Variants in NTM observed in about 807,000 individuals in gnomAD.
The protein encoded by NTM is neurotrimin.
A neutral mutation model predicts 42.1 loss-of-function variants in NTM; 13 were observed. The ratio of observed to expected loss-of-function variants is 0.31; its 90% CI spans 0.20 to 0.49. The LOEUF is 0.49. Ranked by LOEUF, NTM falls within the 20% of genes least tolerant of loss-of-function variation. NTM has a pLI of 0.99. For missense variants in NTM, 373 were observed against 452.8 expected (o/e 0.82, Z 1.60); for synonymous variants, 187 against 179.2 (o/e 1.04, Z -0.35).
intron 2 of NTM, among the ~76,000 whole-genome samples, chr11:131,988,133 C>T (rs897887012): frequency 6.6e-6 from 1 of 152,194 alleles, no homozygotes; most frequent in Admixed American, 6.5e-5. Flanking sequence ...GTGGAAGGGG[C>T]AAGCAAGCTT....
At chr11:132,043,013 G>A (rs1404898944) in intron 2 of NTM, among the ~76,000 whole-genome samples, 1 of 152,184 alleles carries the variant, frequency 6.6e-6, no homozygotes, top group African/African-American at 2.4e-5. Context: ...ATAAGTGGAA[G>A]TATGAAGAGG....
intron 1 of NTM, chr11:131,795,683 C>T: frequency 6.1e-6 from 6 of 985,390 alleles, no homozygotes; most frequent in Non-Finnish European, 7.2e-6. Context: ...GGGCGAACAG[C>T]AGATATTTAC....
intron 1 of NTM, among the ~76,000 whole-genome samples, chr11:131,785,114 A>G (rs544898094): frequency 6.6e-6 from 1 of 152,310 alleles, no homozygotes; most frequent in Non-Finnish European, 1.5e-5. Context: ...TTAAAAAGAA[A>G]AGAAAACCTG....
intron 4 of NTM, among the ~76,000 whole-genome samples, chr11:132,264,047 G>C (rs967025737): frequency 1.3e-5 from 2 of 152,172 alleles, no homozygotes; most frequent in Non-Finnish European, 2.9e-5. Context: ...CATAGGGCAT[G>C]TTTATTTTAA....
intron 4 of NTM, among the ~76,000 whole-genome samples, chr11:132,245,040 G>A (rs538116565): frequency 2.6e-5 from 4 of 152,304 alleles, no homozygotes; most frequent in East Asian, 1.9e-4. Flanking sequence ...TTGAATGTGC[G>A]TCCAATTCGC....
intron 2 of NTM, among the ~76,000 whole-genome samples, chr11:132,114,999 G>A (rs769446454): frequency 3.3e-5 from 5 of 152,120 alleles, no homozygotes; most frequent in African/African-American, 9.7e-5. Context: ...TAACATTTTC[G>A]GCAACATGGA....
intron 1 of NTM, among the ~76,000 whole-genome samples, chr11:131,577,993 C>A (rs2058078182): frequency 6.6e-6 from 1 of 152,190 alleles, no homozygotes; most frequent in South Asian, 2.1e-4. Flanking sequence ...AGATGAACAA[C>A]TATAGCTAAC....
chr11:132,267,244 TA>T (rs1237984957), intron 4 of NTM, among the ~76,000 whole-genome samples: 4 of 152,286 alleles, frequency 2.6e-5, no homozygotes, highest in African/African-American at 9.6e-5. Context: ...TCAATTAACT[TA>T]AAAAATACAG....
intron 2 of NTM, among the ~76,000 whole-genome samples, chr11:131,935,620 G>A (rs992453356): frequency 1.3e-5 from 2 of 152,058 alleles, no homozygotes; most frequent in African/African-American, 4.8e-5. Context: ...GAAGGGGAGG[G>A]TTCCCTGGCC....
At chr11:131,547,024 G>A (rs1264349897) in intron 1 of NTM, among the ~76,000 whole-genome samples, 1 of 152,166 alleles carries the variant, frequency 6.6e-6, no homozygotes, top group East Asian at 1.9e-4. Context: ...CCTCTTCCAA[G>A]AAGCCCTCTG....
At chr11:132,196,193 A>G (rs2080178863) in intron 3 of NTM, among the ~76,000 whole-genome samples, 2 of 152,212 alleles carry the variant, frequency 1.3e-5, no homozygotes, top group African/African-American at 4.8e-5. Flanking sequence ...TATATGGGAA[A>G]AAAAAGCTCA....
intron 4 of NTM, among the ~76,000 whole-genome samples, chr11:132,297,660 C>T (rs557665419): frequency 2.6e-5 from 4 of 152,310 alleles, no homozygotes; most frequent in South Asian, 4.1e-4. Context: ...TCTGCTTCCC[C>T]GTGGAGTGAT....
chr11:131,484,860 T>C (rs1953988858), intron 1 of NTM, among the ~76,000 whole-genome samples: 1 of 151,976 alleles, frequency 6.6e-6, no homozygotes, highest in African/African-American at 2.4e-5. Context: ...AAGAAGGAAG[T>C]GGAAATTATG....
At chr11:131,439,240 C>A (rs1949400035) in intron 1 of NTM, among the ~76,000 whole-genome samples, 1 of 152,188 alleles carries the variant, frequency 6.6e-6, no homozygotes, top group Non-Finnish European at 1.5e-5. Context: ...GGAGGTGTCT[C>A]CCAGTTAGGC....
At chr11:131,508,327 A>G (rs2047763805) in intron 1 of NTM, among the ~76,000 whole-genome samples, 1 of 147,678 alleles carries the variant, frequency 6.8e-6, no homozygotes, top group South Asian at 2.2e-4. Flanking sequence ...AATCAAAACC[A>G]CAATGAGATA....
At chr11:131,436,779 CT>C (rs1949172331) in intron 1 of NTM, among the ~76,000 whole-genome samples, 1 of 151,978 alleles carries the variant, frequency 6.6e-6, no homozygotes, top group South Asian at 2.1e-4. Context: ...GTGTTTCTAT[CT>C]CCTTCAGTTC....
At chr11:131,737,262 G>A (rs1030670001) in intron 1 of NTM, among the ~76,000 whole-genome samples, 1 of 152,164 alleles carries the variant, frequency 6.6e-6, no homozygotes, top group African/African-American at 2.4e-5. Flanking sequence ...CAAAGTGGCT[G>A]GAATGATTCC....
At chr11:131,792,365 T>C (rs1591888291) in intron 1 of NTM, among the ~76,000 whole-genome samples, 1 of 152,070 alleles carries the variant, frequency 6.6e-6, no homozygotes, top group East Asian at 1.9e-4. Context: ...TTGCCTGCAG[T>C]GCCTGCTGGT....
chr11:131,628,442 C>T (rs1387379462), intron 1 of NTM, among the ~76,000 whole-genome samples: 1 of 152,148 alleles, frequency 6.6e-6, no homozygotes, highest in Non-Finnish European at 1.5e-5. Flanking sequence ...CATTCTCAAG[C>T]CCTTTGCCCA....
Sources: allele counts gnomAD v4.1 joint callset (sites outside exome capture counted in the v4.1 genomes callset), GRCh38; gene constraint gnomAD v4.1.1; transcripts MANE v1.5; gene names NCBI Gene and HGNC (gene_info 2026-07-23, HGNC 2026-07-21).